Variants in SKI observed in about 807,000 individuals in gnomAD.
The protein encoded by SKI is SKI proto-oncogene.
SKI carries 23 observed loss-of-function variants against 59.3 expected under a neutral mutation model. The ratio of observed to expected loss-of-function variants is 0.39; its 90% CI spans 0.28 to 0.55. The LOEUF (loss-of-function observed/expected upper bound fraction) is 0.55. SKI is among the 20% of genes least tolerant of loss of function. SKI has a pLI of 0.67. For synonymous variants in SKI, 673 were observed against 488.6 expected (o/e 1.38, Z -4.98); for missense variants, 1,017 against 1,038.9 (o/e 0.98, Z 0.29).
intron 5 of SKI, among the ~76,000 whole-genome samples, chr1:2,305,230 T>A (rs576626409): frequency 1.3e-5 from 2 of 152,310 alleles, no homozygotes; most frequent in African/African-American, 4.8e-5. Flanking sequence ...TTACGTTGTT[T>A]AGGTTTCTTT....
At chr1:2,230,306 A>G (rs1406893399) in intron 1 of SKI, among the ~76,000 whole-genome samples, 1 of 152,108 alleles carries the variant, frequency 6.6e-6, no homozygotes, top group African/African-American at 2.4e-5. Context: ...GGACACAGAC[A>G]CAAAATGAAG....
At chr1:2,265,922 C>T (rs185922102) in intron 1 of SKI, among the ~76,000 whole-genome samples, 1 of 152,130 alleles carries the variant, frequency 6.6e-6, no homozygotes, top group Admixed American at 6.5e-5. Flanking sequence ...GAGCTTCAAT[C>T]GCGCCACTGC....
At chr1:2,273,493 G>A (rs1371645888) in intron 1 of SKI, among the ~76,000 whole-genome samples, 1 of 152,112 alleles carries the variant, frequency 6.6e-6, no homozygotes, top group Non-Finnish European at 1.5e-5. Flanking sequence ...TTCTGTCTGT[G>A]ATGGAAACGG....
rs149005922 is a variant in SKI, at chr1:2,255,526, C to A, written c.969+25791C>A. Among the ~76,000 whole-genome samples the A allele has an allele frequency of 4.6e-3, 704 of 151,800 alleles. 3 individuals are homozygous for A. Among genetic ancestry groups the A allele is most frequent in the Middle Eastern group, 0.02 (6 of 294 alleles). The stretch of plus-strand genomic sequence containing the variant: ...CTGCCTGGAGCTCTCTGTGTCCTGA[C>A]CTCATTTCCTGTCTGTGCCGCTCTG... On this transcript the variant is annotated intron_variant, in intron 1 of 6. Transcript: ENST00000378536.
chr1:2,253,640 A>C (rs1014639268), intron 1 of SKI, among the ~76,000 whole-genome samples: 2 of 152,142 alleles, frequency 1.3e-5, no homozygotes, highest in Admixed American at 1.3e-4. Flanking sequence ...GCACTTACTA[A>C]ATGAGCCACA....
chr1:2,306,623 A>G lies in SKI; in HGVS notation c.2045A>G (p.Glu682Gly), dbSNP rs1191422718. The change falls in exon 7 of 7, where the codon GAG (glutamate) becomes GGG (glycine). Residue 682 changes from glutamate (E) to glycine (G), a missense_variant. By Grantham distance (98) the Glu-to-Gly change is moderately conservative (BLOSUM62 -2). Coordinates refer to ENST00000378536, the MANE Select transcript of SKI (RefSeq NM_003036.4). ...CTGCAGCACGCGGAGGCGGACCGGG[A>G]GCAGCTGCGGGCCGACCTGCTGCGG... ...VKLQHAEADREQLRADLLRER... is the reference protein window; with the variant it reads ...VKLQHAEADRGQLRADLLRER... The G allele has an allele frequency of 6.5e-7, 1 of 1,544,838 alleles. No homozygotes were observed. Among genetic ancestry groups the G allele is most frequent in the Non-Finnish European group, 8.7e-7 (1 of 1,145,500 alleles).
At chr1:2,291,371 C>A (rs1477655508) in intron 1 of SKI, among the ~76,000 whole-genome samples, 1 of 152,120 alleles carries the variant, frequency 6.6e-6, no homozygotes, top group Non-Finnish European at 1.5e-5. Flanking sequence ...GTCTGTGGTT[C>A]GAGGCTGAGT....
At chr1:2,243,233 C>T (rs1365528802) in intron 1 of SKI, among the ~76,000 whole-genome samples, 2 of 152,230 alleles carry the variant, frequency 1.3e-5, no homozygotes, top group South Asian at 2.1e-4. Flanking sequence ...TGCTTCAGGG[C>T]GCGTGTCAGC....
intron 1 of SKI, among the ~76,000 whole-genome samples, chr1:2,301,259 G>C (rs893749407): frequency 6.6e-6 from 1 of 152,222 alleles, no homozygotes; most frequent in Non-Finnish European, 1.5e-5. Flanking sequence ...GCCTCCGCCA[G>C]ACGTCATCAA....
At chr1:2,258,324 C>T (rs1639315582) in intron 1 of SKI, among the ~76,000 whole-genome samples, 1 of 151,994 alleles carries the variant, frequency 6.6e-6, no homozygotes, top group Admixed American at 6.6e-5. Flanking sequence ...GCTCAGATGC[C>T]CCTATTCTAG....
chr1:2,287,998 TC>T (rs1308131756), intron 1 of SKI, among the ~76,000 whole-genome samples: 1 of 151,814 alleles, frequency 6.6e-6, no homozygotes, highest in African/African-American at 2.4e-5. Flanking sequence ...TTTTTTTTTT[TC>T]TTCCTTGAGA....
chr1:2,243,802 A>G (rs1638929730), intron 1 of SKI, among the ~76,000 whole-genome samples: 1 of 152,106 alleles, frequency 6.6e-6, no homozygotes, highest in Non-Finnish European at 1.5e-5. Flanking sequence ...ATTTACTGAT[A>G]CACGCACACG....
At chr1:2,264,697 T>G (rs769481417) in intron 1 of SKI, among the ~76,000 whole-genome samples, 2 of 152,168 alleles carry the variant, frequency 1.3e-5, no homozygotes, top group Non-Finnish European at 2.9e-5. Context: ...CCACCGTGCC[T>G]GGCCCCAATT....
intron 5 of SKI, among the ~76,000 whole-genome samples, chr1:2,305,169 T>G (rs1233449703): frequency 6.6e-6 from 1 of 152,214 alleles, no homozygotes; most frequent in Non-Finnish European, 1.5e-5. Context: ...GCTGCTTCTC[T>G]GGGCTCTGCC....
intron 1 of SKI, among the ~76,000 whole-genome samples, chr1:2,296,197 A>AGT (rs1640280439): frequency 6.6e-6 from 1 of 151,684 alleles, no homozygotes; most frequent in African/African-American, 2.4e-5. Context: ...AGGGCAACAA[A>AGT]GTGAAACCTT....
intron 1 of SKI, among the ~76,000 whole-genome samples, chr1:2,239,092 A>G (rs1638810829): frequency 6.6e-6 from 1 of 152,226 alleles, no homozygotes; most frequent in Non-Finnish European, 1.5e-5. Context: ...TGCCCAAACC[A>G]TTAAAAAAAT....
At chr1:2,253,741 G>A (rs912895765) in intron 1 of SKI, among the ~76,000 whole-genome samples, 31 of 152,214 alleles carry the variant, frequency 2.0e-4, no homozygotes, top group Admixed American at 4.6e-4. Flanking sequence ...GTGAGGCTGC[G>A]GGTCCCTCGT....
In SKI at chr1:2,305,134, GAC is replaced by G. The variant is rs146052894; in HGVS notation, c.1767+560_1767+561del. ...GGAAGGAGAGGGCTCGGCCCGCACA[GAC>G]ACACACACACCCACCTGCACACGCT... On this transcript the variant is annotated intron_variant, in intron 5 of 6. Transcript: ENST00000378536. 1.7e-3 allele frequency among the ~76,000 whole-genome samples: 258 copies of G among 152,262 alleles called. 2 individuals are homozygous for G. Among genetic ancestry groups the G allele is most frequent in the Non-Finnish European group, 2.6e-4 (18 of 68,008 alleles).
At chr1:2,305,050 G>A (rs1254331254) in intron 5 of SKI, among the ~76,000 whole-genome samples, 2 of 152,234 alleles carry the variant, frequency 1.3e-5, no homozygotes, top group African/African-American at 4.8e-5. Flanking sequence ...CAGGCGTGAG[G>A]GGCGTGCTTA....
Sources: allele counts gnomAD v4.1 joint callset (sites outside exome capture counted in the v4.1 genomes callset), GRCh38; gene constraint gnomAD v4.1.1; transcripts MANE v1.5; gene names NCBI Gene and HGNC (gene_info 2026-07-23, HGNC 2026-07-21).